AGBL4: variants seen among roughly 807,000 people sequenced by gnomAD.
The protein encoded by AGBL4 is cytosolic carboxypeptidase 6.
In AGBL4, 58 loss-of-function variants were observed where a neutral mutation model predicts 66.4. The ratio of observed to expected loss-of-function variants is 0.87; its 90% CI spans 0.71 to 1.09. The LOEUF is 1.09. AGBL4 is among the 50% of genes least tolerant of loss of function. The probability of loss-of-function intolerance (pLI) is 0.00; values close to 1 mark genes in which losing one functional copy is unlikely to be tolerated. For synonymous variants in AGBL4, 234 were observed against 222.9 expected (o/e 1.05, Z -0.44); for missense variants, 579 against 631.0 (o/e 0.92, Z 0.88).
intron 3 of AGBL4, among the ~76,000 whole-genome samples, chr1:49,384,610 A>G (rs1313418730): frequency 1.3e-5 from 2 of 152,080 alleles, no homozygotes; most frequent in Non-Finnish European, 2.9e-5. Context: ...ACAAACAAAC[A>G]AAAACAAAGC....
At chr1:48,560,762 T>C (rs1014684840) in intron 11 of AGBL4, among the ~76,000 whole-genome samples, 7 of 152,348 alleles carry the variant, frequency 4.6e-5, no homozygotes, top group Admixed American at 2.6e-4. Context: ...GGACACCTAC[T>C]GTGTTTCTGG....
chr1:49,259,091 C>T (rs973967224), intron 3 of AGBL4, among the ~76,000 whole-genome samples: 2 of 152,048 alleles, frequency 1.3e-5, no homozygotes, highest in South Asian at 2.1e-4. Flanking sequence ...AAATACCTTA[C>T]AGACAAGCAA....
chr1:49,685,080 C>T (rs1042087171), intron 3 of AGBL4, among the ~76,000 whole-genome samples: 23 of 152,256 alleles, frequency 1.5e-4, no homozygotes, highest in Admixed American at 7.2e-4. Flanking sequence ...TTCAAGAAGG[C>T]CCTGGTGCCT....
intron 2 of AGBL4, among the ~76,000 whole-genome samples, chr1:49,714,423 T>A (rs549625746): frequency 6.6e-6 from 1 of 151,916 alleles, no homozygotes; most frequent in Non-Finnish European, 1.5e-5. Flanking sequence ...TGTATACACA[T>A]TATTTAGCTC....
At chr1:48,524,822 T>C in the AGBL4 span, among the ~76,000 whole-genome samples, 25 of 152,056 alleles carry the variant, frequency 1.6e-4, no homozygotes, top group East Asian at 4.6e-3. Flanking sequence ...CTCTTTTACC[T>C]GTCGTAGTCT....
At chr1:49,501,656 C>T (rs566127112) in intron 3 of AGBL4, among the ~76,000 whole-genome samples, 1 of 151,144 alleles carries the variant, frequency 6.6e-6, no homozygotes, top group Non-Finnish European at 1.5e-5. Context: ...ATATTTTTAT[C>T]TTTATTATTT....
At chr1:49,873,299 T>C (rs570642286) in intron 1 of AGBL4, among the ~76,000 whole-genome samples, 1 of 152,130 alleles carries the variant, frequency 6.6e-6, no homozygotes, top group Admixed American at 6.6e-5. Context: ...TATCTAGGAA[T>C]AAACTGTCCT....
At chr1:49,172,786 A>C (rs777603063) in intron 4 of AGBL4, among the ~76,000 whole-genome samples, 18 of 152,186 alleles carry the variant, frequency 1.2e-4, no homozygotes, top group Non-Finnish European at 1.3e-4. Context: ...ACAGGGAAGC[A>C]TGGTAGGGGT....
In AGBL4 at chr1:49,722,520, T is replaced by C. The variant is rs375661080; in HGVS notation, c.158-25083A>G. ...AACCAGCAATTAAACATTAAATGCA[T>C]GATGAATAATTAATGTTTTATATGT... On this transcript the variant is annotated intron_variant, in intron 2 of 13. Coordinates refer to ENST00000371839, the MANE Select transcript of AGBL4 (RefSeq NM_032785.4). 5.3e-5 allele frequency among the ~76,000 whole-genome samples: 8 copies of C among 152,182 alleles called. No individual in the cohort carries two copies. In the East Asian group the frequency reaches 1.2e-3, roughly 22 times the overall value.
At chr1:49,481,551 T>C (rs1014932518) in intron 3 of AGBL4, among the ~76,000 whole-genome samples, 3 of 151,824 alleles carry the variant, frequency 2.0e-5, no homozygotes, top group Admixed American at 6.6e-5. Flanking sequence ...TTTCTAGATA[T>C]AGGATCATGT....
intron 6 of AGBL4, among the ~76,000 whole-genome samples, chr1:48,670,008 C>T (rs1382620900): frequency 6.6e-6 from 1 of 152,044 alleles, no homozygotes; most frequent in African/African-American, 2.4e-5. Context: ...ATGTTCTGCC[C>T]TTGATGAGCT....
chr1:49,383,418 A>T (rs943051263), intron 3 of AGBL4, among the ~76,000 whole-genome samples: 3 of 152,212 alleles, frequency 2.0e-5, no homozygotes, highest in Admixed American at 2.0e-4. Flanking sequence ...TACAGTGATG[A>T]ACACAGTATG....
chr1:49,588,859 A>G (rs1644700155), intron 3 of AGBL4, among the ~76,000 whole-genome samples: 1 of 152,220 alleles, frequency 6.6e-6, no homozygotes, highest in Admixed American at 6.5e-5. Context: ...ACACATAGGG[A>G]TTGATTAACT....
At chr1:48,866,910 T>G (rs1008067085) in intron 6 of AGBL4, among the ~76,000 whole-genome samples, 2 of 152,148 alleles carry the variant, frequency 1.3e-5, no homozygotes, top group Admixed American at 1.3e-4. Context: ...GTGGGTCCAA[T>G]GAGTGATTTG....
chr1:49,294,811 A>C (rs190571849), intron 3 of AGBL4, among the ~76,000 whole-genome samples: 1 of 152,168 alleles, frequency 6.6e-6, no homozygotes, highest in South Asian at 2.1e-4. Context: ...TTAATCCTCA[A>C]ACTCACATAG....
At chr1:49,351,222 T>TG (rs1288007006) in intron 3 of AGBL4, among the ~76,000 whole-genome samples, 1 of 152,082 alleles carries the variant, frequency 6.6e-6, no homozygotes, top group African/African-American at 2.4e-5. Flanking sequence ...AACAACTGAG[T>TG]GGGGTAAACA....
intron 5 of AGBL4, among the ~76,000 whole-genome samples, chr1:49,029,811 A>G (rs1664057364): frequency 6.6e-6 from 1 of 152,220 alleles, no homozygotes; most frequent in Non-Finnish European, 1.5e-5. Context: ...ACAGTATTGT[A>G]CTGGCACAAG....
intron 4 of AGBL4, among the ~76,000 whole-genome samples, chr1:49,098,910 T>C (rs536866776): frequency 7.2e-5 from 11 of 152,340 alleles, no homozygotes; most frequent in African/African-American, 2.6e-4. Context: ...TTGTGTTCTA[T>C]GGCCTTTCTG....
intron 11 of AGBL4, among the ~76,000 whole-genome samples, chr1:48,547,413 G>T (rs539275373): frequency 6.6e-6 from 1 of 152,016 alleles, no homozygotes; most frequent in Non-Finnish European, 1.5e-5. Context: ...CCAAAGGAGG[G>T]GAAGGAGTGA....
Sources: allele counts gnomAD v4.1 joint callset (sites outside exome capture counted in the v4.1 genomes callset), GRCh38; gene constraint gnomAD v4.1.1; transcripts MANE v1.5; gene names NCBI Gene and HGNC (gene_info 2026-07-23, HGNC 2026-07-21).